The following RSF1 variants were observed in gnomAD, a reference collection of about 807,000 sequenced individuals.
RSF1 encodes remodeling and spacing factor 1, also known as HBV pX-associated protein 8.
In RSF1, 13 loss-of-function variants were observed where a neutral mutation model predicts 145.2. The observed-to-expected ratio is 0.09, with a 90% confidence interval of 0.06 to 0.14. The LOEUF (loss-of-function observed/expected upper bound fraction) is 0.14, where lower values mean the gene tolerates loss of function less well. RSF1 is among the 10% of genes least tolerant of loss of function. RSF1 has a pLI of 1.00. For missense variants in RSF1, 1,517 were observed against 1,718.2 expected (o/e 0.88, Z 2.07); for synonymous variants, 577 against 592.6 (o/e 0.97, Z 0.38).
chr11:77,809,396 G>A (rs1303941480), intron 1 of RSF1, among the ~76,000 whole-genome samples: 2 of 152,066 alleles, frequency 1.3e-5, no homozygotes, highest in Admixed American at 6.6e-5. Flanking sequence ...ATTTTTCTAC[G>A]AAAGATAAGA....
upstream of RSF1, among the ~76,000 whole-genome samples, chr11:77,822,188 C>T (rs1284361396): frequency 1.3e-5 from 2 of 151,536 alleles, no homozygotes; most frequent in Non-Finnish European, 3.0e-5. Context: ...GCCTGTAATC[C>T]CAACACTTTG....
chr11:77,747,616 G>A (rs796112470), intron 2 of RSF1, among the ~76,000 whole-genome samples: 3 of 152,306 alleles, frequency 2.0e-5, no homozygotes, highest in African/African-American at 4.8e-5. Context: ...GAAAACTTAT[G>A]TAACTTGGCT....
At chr11:77,702,744 T>C (rs1007262419) in intron 5 of RSF1, 20 of 303,760 alleles carry the variant, frequency 6.6e-5, no homozygotes, top group Admixed American at 2.0e-4. Context: ...TTTGTTTTGG[T>C]GTTCTCAATG....
At chr11:77,764,800 C>T (rs1358886549) in intron 1 of RSF1, 111 bp from the exon 2 acceptor site, 2 of 709,518 alleles carry the variant, frequency 2.8e-6, no homozygotes, top group Non-Finnish European at 4.6e-6. Flanking sequence ...TCAAAACAGA[C>T]AGTGTTGATA....
In RSF1 at chr11:77,661,913, C is replaced by G. The variant is rs1433978810; in HGVS notation, c.*5004G>C. 6.6e-6 allele frequency: 1 copy of G among 151,904 alleles called. No individual in the cohort carries two copies. The highest frequency in any genetic ancestry group is 1.5e-5 in the Non-Finnish European group (1 of 67,944). 9.4% of individuals were successfully genotyped at this position (151,904 alleles called of 1,614,324 possible). A position where few individuals can be genotyped will look rare whatever the true frequency, so the allele number is the denominator to read the frequency against. ...CAGAACTCAATAAATACAGATCAAA[C>G]AAAACCGCAAAACACTTAAATTAGA... On this transcript the variant is annotated 3_prime_UTR_variant, in exon 16 of 16. Transcript: ENST00000308488.
At chr11:77,677,125 A>G in intron 12 of RSF1, 126 bp from the exon 13 acceptor site, 1 of 729,978 alleles carries the variant, frequency 1.4e-6, no homozygotes, top group Non-Finnish European at 2.3e-6. Flanking sequence ...TCTTCCAACA[A>G]ATATGCAGTT....
intron 4 of RSF1, among the ~76,000 whole-genome samples, chr11:77,726,787 T>C (rs890611225): frequency 1.2e-4 from 19 of 152,220 alleles, no homozygotes; most frequent in African/African-American, 3.9e-4. Context: ...ATGTCACATA[T>C]GGCTCCTACC....
the RSF1 span, among the ~76,000 whole-genome samples, chr11:77,834,474 A>G: frequency 7.7e-6 from 1 of 130,562 alleles, no homozygotes; most frequent in African/African-American, 2.9e-5. Context: ...AGACAGAGTC[A>G]TGCAGTCTCG....
intron 10 of RSF1, 75 bp from the exon 11 acceptor site, chr11:77,683,894 A>C: frequency 8.9e-7 from 1 of 1,118,786 alleles, no homozygotes; most frequent in Non-Finnish European, 1.3e-6. Flanking sequence ...ACAGTTTTGT[A>C]ATCTCCATTT....
intron 1 of RSF1, among the ~76,000 whole-genome samples, chr11:77,778,769 T>C (rs1948374231): frequency 6.6e-6 from 1 of 152,226 alleles, no homozygotes; most frequent in Non-Finnish European, 1.5e-5. Context: ...TCTTGAAACG[T>C]GGACATTCTG....
chr11:77,727,895 T>C (rs1961097396), intron 4 of RSF1, among the ~76,000 whole-genome samples: 1 of 152,232 alleles, frequency 6.6e-6, no homozygotes, highest in Non-Finnish European at 1.5e-5. Context: ...AGGTAGTCGT[T>C]ATTATATGAA....
rs1256681891 is a variant in RSF1 at position 77,667,491 on chromosome 11, T to C, written c.3752A>G (p.Glu1251Gly). 1 of 1,605,762 alleles carries C rather than the reference T, an allele frequency of 6.2e-7. No individual in the cohort carries two copies. The highest frequency in any genetic ancestry group is 8.5e-7 in the Non-Finnish European group (1 of 1,177,648). Reference protein sequence around the residue: ...KRRLSSSESEESYLSKNSEDD... With the variant: ...KRRLSSSESEGSYLSKNSEDD... Reference sequence around the variant, plus strand: ...TTCAGAGTTCTTGGACAAATAGCTCTCTAGAATAAACAGCACATTTAAGCC... The same window carrying C: ...TTCAGAGTTCTTGGACAAATAGCTCCCTAGAATAAACAGCACATTTAAGCC... The change falls in exon 16 of 16, where the codon GAG becomes GGG. Residue 1251 changes from glutamate to glycine, a missense_variant and splice_region_variant. Physicochemically the swap from Glu to Gly is moderately conservative, Grantham distance 98. Coordinates refer to ENST00000308488, the MANE Select transcript of RSF1 (RefSeq NM_016578.4).
chr11:77,826,476 G>C, the RSF1 span, among the ~76,000 whole-genome samples: 7 of 152,172 alleles, frequency 4.6e-5, no homozygotes, highest in Non-Finnish European at 7.3e-5. Flanking sequence ...ATCATCGGCA[G>C]TTTGACATCC....
In RSF1 at chr11:77,700,995, T is replaced by C; in HGVS notation, c.2234A>G (p.Lys745Arg). 6.2e-7 allele frequency: 1 copy of C among 1,613,662 alleles called. No homozygotes were observed. Among genetic ancestry groups the C allele is most frequent in the Non-Finnish European group, 8.5e-7 (1 of 1,180,024 alleles). Reference protein sequence around the residue: ...LTIRISSRKKKPDSPPKVLEP... With the variant: ...LTIRISSRKKRPDSPPKVLEP... ...TAGAACTTTGGGGGGAGAATCGGGC[T>C]TCTTTTTCCGACTTGATATCCTGAT... Residue 745 changes from lysine to arginine, a missense_variant, in exon 6 of 16, where the codon AAG becomes AGG. By Grantham distance (26) the Lys-to-Arg change is conservative. This residue lies in a region of RSF1 where 579 missense variants were observed against 553.5 expected (regional missense o/e 1.05). Transcript: ENST00000308488.
chr11:77,715,964 C>G (rs1033761823), intron 5 of RSF1, among the ~76,000 whole-genome samples: 2 of 152,090 alleles, frequency 1.3e-5, no homozygotes, highest in African/African-American at 2.4e-5. Context: ...AGTACATAAA[C>G]TTTTTGATCC....
At chr11:77,822,432 A>G (rs1315396321), upstream of RSF1, among the ~76,000 whole-genome samples, 1 of 151,356 alleles carries the variant, frequency 6.6e-6, no homozygotes, top group Admixed American at 6.6e-5. Flanking sequence ...AAAAAAAAAA[A>G]AAAGAATTTG....
At chr11:77,679,679 A>C (rs997018391) in intron 11 of RSF1, among the ~76,000 whole-genome samples, 1 of 151,934 alleles carries the variant, frequency 6.6e-6, no homozygotes. Flanking sequence ...TCTCAAAAAA[A>C]AAAAAAAGAA....
intron 1 of RSF1, among the ~76,000 whole-genome samples, chr11:77,772,968 T>C (rs1948303318): frequency 6.6e-6 from 1 of 151,218 alleles, no homozygotes; most frequent in East Asian, 2.0e-4. Flanking sequence ...TCACAAGACC[T>C]AACTTATGAA....
At chr11:77,791,530 T>G (rs1273153279) in intron 1 of RSF1, among the ~76,000 whole-genome samples, 1 of 152,220 alleles carries the variant, frequency 6.6e-6, no homozygotes. Flanking sequence ...ATTGTCAGGA[T>G]GCAAATTTTC....
Sources: gnomAD v4.1 joint callset for allele counts (sites outside exome capture counted in the v4.1 genomes callset) on GRCh38, gnomAD v4.1.1 for gene constraint, gnomAD v4.1.1 regional missense constraint, MANE v1.5 for transcripts, NCBI Gene and HGNC (gene_info 2026-07-23, HGNC 2026-07-21) for gene names.